POC5: variants seen among roughly 807,000 people sequenced by gnomAD.
POC5 encodes the protein POC5 centriolar protein.
POC5 carries 48 observed loss-of-function variants against 62.9 expected under a neutral mutation model. The ratio of observed to expected loss-of-function variants is 0.76; its 90% CI spans 0.61 to 0.97. The LOEUF is 0.97. Ranked by LOEUF, POC5 falls within the 50% of genes least tolerant of loss-of-function variation. The pLI, the probability that POC5 is intolerant of heterozygous loss-of-function variation, is 0.00. For missense variants in POC5, 696 were observed against 679.5 expected, an observed-to-expected ratio of 1.02 and a Z score of -0.27; for synonymous variants, 236 against 228.2, an observed-to-expected ratio of 1.03 and a Z score of -0.31.
chr5:75,677,694 CATGTT>C (rs1379711035), intron 11 of POC5, 75 bp downstream of exon 11: 2 of 1,138,354 alleles, frequency 1.8e-6, no homozygotes, highest in African/African-American at 1.6e-5. Flanking sequence ...ATCTTCTCAA[CATGTT>C]ATGTAAGTGT....
chr5:75,680,492 T>C (rs2112080170), intron 10 of POC5, among the ~76,000 whole-genome samples: 1 of 152,266 alleles, frequency 6.6e-6, no homozygotes, highest in Non-Finnish European at 1.5e-5. Context: ...CTCTATACGC[T>C]CATTGAATTA....
Position 75,705,696 on chromosome 5 carries a change from AATC to A in POC5, c.307+5_307+7del. 1 of 1,495,170 alleles carries A rather than the reference AATC, an allele frequency of 6.7e-7. No homozygotes were observed. The highest frequency in any genetic ancestry group is 1.4e-5 in the African/African-American group (1 of 71,132). The allele number at this position is 1,495,170 out of a possible 1,614,324, so 92.6% of individuals were successfully genotyped here. On this transcript the variant is annotated splice_donor_5th_base_variant and intron_variant, in intron 4 of 11. Coordinates refer to ENST00000428202, the MANE Select transcript of POC5 (RefSeq NM_001099271.2). ...TATTAATACAAATAAGCTAAAGAAA[AATC>A]ATACCATCTGTCTTTGAATGACTTG... is the stretch of plus-strand genomic sequence containing the variant.
At chr5:75,706,559 A>T (rs908236843) in intron 3 of POC5, among the ~76,000 whole-genome samples, 3 of 147,334 alleles carry the variant, frequency 2.0e-5, no homozygotes, top group East Asian at 2.0e-4. Context: ...CAGCATCTCG[A>T]AAGTTTTTTC....
In POC5 at chr5:75,677,957, A is replaced by G. The variant is rs1775734371; in HGVS notation, c.1408-7T>C. 1 of 1,499,334 alleles carries G rather than the reference A, an allele frequency of 6.7e-7. No homozygotes were observed. Among genetic ancestry groups the G allele is most frequent in the African/African-American group, 1.4e-5 (1 of 70,140 alleles). 92.9% of individuals were successfully genotyped at this position (1,499,334 alleles called of 1,614,324 possible). A position where few individuals can be genotyped will look rare whatever the true frequency, so the allele number is the denominator to read the frequency against. The stretch of plus-strand genomic sequence containing the variant: ...TTACAACTCTTGGCACATACTAAGA[A>G]GAAAAAAAAATAAAAGAAGTAACAA... On this transcript the variant is annotated splice_polypyrimidine_tract_variant and splice_region_variant and intron_variant, in intron 10 of 11. Transcript: ENST00000428202.
At chr5:75,716,398 G>T (rs1742568703) in intron 1 of POC5, among the ~76,000 whole-genome samples, 1 of 102,464 alleles carries the variant, frequency 9.8e-6, no homozygotes. Flanking sequence ...GGGGGGGGGT[G>T]CTGATTATTT....
At chr5:75,707,970 T>C in intron 2 of POC5, 95 bp from the exon 3 acceptor site, 2 of 1,121,704 alleles carry the variant, frequency 1.8e-6, no homozygotes, top group Non-Finnish European at 2.5e-6. Context: ...ATTACCATAA[T>C]AGAGTCCCAT....
intron 2 of POC5, among the ~76,000 whole-genome samples, chr5:75,709,150 G>T (rs1777240368): frequency 6.6e-6 from 1 of 152,110 alleles, no homozygotes. Context: ...ATTTAACATA[G>T]ATACTTACAC....
At chr5:75,691,878 TAAATGATATACTACAAGCTAAGGATA>T (rs888135776) in intron 7 of POC5, among the ~76,000 whole-genome samples, 19 of 152,338 alleles carry the variant, frequency 1.2e-4, no homozygotes, top group African/African-American at 4.3e-4. Context: ...TGTTCAAGTT[TAAATGATATACTACAAGCTAAGGATA>T]ACTTTTAAAA....
At chr5:75,677,218 C>T (rs1030508745) in intron 11 of POC5, among the ~76,000 whole-genome samples, 8 of 152,124 alleles carry the variant, frequency 5.3e-5, no homozygotes, top group Non-Finnish European at 8.8e-5. Context: ...AGCACTAACT[C>T]GGGTTTTAAA....
At chr5:75,678,506 T>C (rs79516951) in intron 10 of POC5, among the ~76,000 whole-genome samples, 31,991 of 152,058 alleles carry the variant, frequency 0.21, 5,171 homozygotes, top group African/African-American at 0.43. Flanking sequence ...CTGGAAACCA[T>C]TAATCTGTTT....
chr5:75,710,453 T>C (rs1777296636), intron 2 of POC5, among the ~76,000 whole-genome samples: 1 of 152,116 alleles, frequency 6.6e-6, no homozygotes, highest in South Asian at 2.1e-4. Flanking sequence ...AATAAGGTCA[T>C]TGGTTGGGGC....
At chr5:75,687,764 C>A (rs1409450702) in intron 9 of POC5, among the ~76,000 whole-genome samples, 7 of 152,142 alleles carry the variant, frequency 4.6e-5, no homozygotes, top group Admixed American at 4.6e-4. Context: ...GTAAGAAGTT[C>A]TAATAGGAAT....
intron 5 of POC5, among the ~76,000 whole-genome samples, chr5:75,695,370 TA>T (rs746069010): frequency 3.3e-4 from 50 of 151,388 alleles, no homozygotes; most frequent in Middle Eastern, 3.4e-3. Flanking sequence ...AATTTGTTAT[TA>T]AAAAAAAACT....
rs564163646 is a variant in POC5, at chr5:75,687,255, C to T, written c.1129+1757G>A. Among the ~76,000 whole-genome samples, 14 of 152,260 alleles carry T rather than the reference C, an allele frequency of 9.2e-5. No homozygotes were observed. The South Asian group carries it at 2.7e-3, about 29-fold the overall frequency. On this transcript the variant is annotated intron_variant, in intron 9 of 11. Transcript: ENST00000428202. ...CCATGTTAGCCAGGATCGTCTCGAT[C>T]TCCTGACCTCGTGATCCACTCACCT...
intron 10 of POC5, among the ~76,000 whole-genome samples, chr5:75,682,204 G>A (rs545564899): frequency 1.6e-5 from 1 of 64,046 alleles, no homozygotes; most frequent in African/African-American, 7.7e-5. Flanking sequence ...CCGATGACCA[G>A]ATTATTCAAA....
intron 4 of POC5, chr5:75,705,209 T>TAA (rs113563564): frequency 0.17 from 25,183 of 151,302 alleles, 2,280 homozygotes; most frequent in South Asian, 0.21. Flanking sequence ...CCAAACAAAA[T>TAA]TAAAAAAATA....
At chr5:75,694,964 C>A (rs1385559406) in intron 5 of POC5, 133 bp from the exon 6 acceptor site, 7 of 626,732 alleles carry the variant, frequency 1.1e-5, no homozygotes, top group African/African-American at 1.9e-5. Flanking sequence ...AATTGGAACA[C>A]ATTAATGAAA....
At chr5:75,698,889 A>T (rs1034098272) in intron 5 of POC5, among the ~76,000 whole-genome samples, 12 of 152,224 alleles carry the variant, frequency 7.9e-5, no homozygotes, top group African/African-American at 2.7e-4. Context: ...AGGGGATATC[A>T]CCACCAATCC....
intron 5 of POC5, among the ~76,000 whole-genome samples, chr5:75,698,747 A>G (rs918204124): frequency 2.1e-4 from 32 of 152,144 alleles, no homozygotes; most frequent in Middle Eastern, 3.4e-3. Flanking sequence ...TAGAGACACA[A>G]AAAACCCTTC....
Sources: allele counts gnomAD v4.1 joint callset (sites outside exome capture counted in the v4.1 genomes callset), GRCh38; gene constraint gnomAD v4.1.1; transcripts MANE v1.5; gene names NCBI Gene and HGNC (gene_info 2026-07-23, HGNC 2026-07-21).